The following PPP1R12B variants were observed in gnomAD, a reference collection of about 807,000 sequenced individuals.
The protein encoded by PPP1R12B is myosin phosphatase target subunit 2.
PPP1R12B carries 76 observed loss-of-function variants against 126.1 expected under a neutral mutation model. The observed-to-expected ratio is 0.60, with a 90% confidence interval of 0.50 to 0.73. PPP1R12B has a LOEUF of 0.73. Among genes scored for constraint, PPP1R12B ranks in the 30% least tolerant of loss-of-function variants. The probability of loss-of-function intolerance (pLI) is 0.00; values close to 1 mark genes in which losing one functional copy is unlikely to be tolerated. For synonymous variants in PPP1R12B, 356 were observed against 434.7 expected (o/e 0.82, Z 2.25); for missense variants, 1,052 against 1,205.1 (o/e 0.87, Z 1.88).
At chr1:202,559,871 C>T (rs546586799) in intron 19 of PPP1R12B, among the ~76,000 whole-genome samples, 2 of 152,204 alleles carry the variant, frequency 1.3e-5, no homozygotes, top group African/African-American at 4.8e-5. Context: ...TGAACTCTCT[C>T]GTATTATAAT....
At chr1:202,440,845 G>A (rs1671511230) in intron 11 of PPP1R12B, 57 bp downstream of exon 11, 1 of 1,400,112 alleles carries the variant, frequency 7.1e-7, no homozygotes, top group East Asian at 2.3e-5. Flanking sequence ...ACTGGACATA[G>A]TCATCTCCTG....
chr1:202,515,492 G>A (rs1558321816), intron 18 of PPP1R12B, among the ~76,000 whole-genome samples: 1 of 152,186 alleles, frequency 6.6e-6, no homozygotes, highest in Non-Finnish European at 1.5e-5. Context: ...TCAGATCCCT[G>A]CTGCCTTCTT....
At chr1:202,521,151 C>G (rs1682744246) in intron 18 of PPP1R12B, among the ~76,000 whole-genome samples, 1 of 152,114 alleles carries the variant, frequency 6.6e-6, no homozygotes, top group Admixed American at 6.5e-5. Flanking sequence ...TACTTTTGGG[C>G]TAAAAATTCA....
At chr1:202,541,229 G>GT (rs3834065) in intron 18 of PPP1R12B, among the ~76,000 whole-genome samples, 93,067 of 150,692 alleles carry the variant, frequency 0.62, 29,176 homozygotes, top group East Asian at 0.77. Flanking sequence ...ACTAGTGTGG[G>GT]TTTTTTTTTC....
At chr1:202,470,362 A>G (rs1675683311) in intron 13 of PPP1R12B, among the ~76,000 whole-genome samples, 1 of 152,212 alleles carries the variant, frequency 6.6e-6, no homozygotes, top group Non-Finnish European at 1.5e-5. Context: ...TGAAATACAA[A>G]TACATCTCTT....
chr1:202,446,992 A>C (rs1672377403), intron 12 of PPP1R12B, among the ~76,000 whole-genome samples: 1 of 152,220 alleles, frequency 6.6e-6, no homozygotes, highest in African/African-American at 2.4e-5. Flanking sequence ...AAGGAAGCAG[A>C]CAAAGAAAAA....
At chr1:202,557,945 T>G (rs1361395647) in intron 18 of PPP1R12B, among the ~76,000 whole-genome samples, 1 of 152,174 alleles carries the variant, frequency 6.6e-6, no homozygotes, top group Non-Finnish European at 1.5e-5. Flanking sequence ...CAGGGACTGT[T>G]TAATGCAAAG....
intron 13 of PPP1R12B, among the ~76,000 whole-genome samples, chr1:202,464,529 A>C (rs1343566556): frequency 1.3e-5 from 2 of 152,226 alleles, no homozygotes; most frequent in Non-Finnish European, 1.5e-5. Context: ...CCCTTTGTGC[A>C]CTTTCACCCT....
chr1:202,548,806 CTCTA>C (rs1264322578), intron 18 of PPP1R12B, among the ~76,000 whole-genome samples: 1,195 of 76,266 alleles, frequency 0.016, 10 homozygotes, highest in African/African-American at 0.031. Flanking sequence ...CTCTCTCTCT[CTCTA>C]TATATATATA....
intron 13 of PPP1R12B, among the ~76,000 whole-genome samples, chr1:202,475,747 TAA>T (rs575454477): frequency 1.0e-3 from 152 of 152,296 alleles, no homozygotes; most frequent in African/African-American, 3.4e-3. Context: ...CTTGAATTCA[TAA>T]AGTCTGTAGG....
intron 10 of PPP1R12B, among the ~76,000 whole-genome samples, 159 bp from the exon 11 acceptor site, chr1:202,440,547 T>C (rs2148691547): frequency 6.6e-6 from 1 of 152,368 alleles, no homozygotes; most frequent in Middle Eastern, 3.4e-3. Flanking sequence ...AATAAGCTTT[T>C]GAAAGCTAAC....
chr1:202,557,806 C>T (rs1164857707), intron 18 of PPP1R12B, among the ~76,000 whole-genome samples: 1 of 152,168 alleles, frequency 6.6e-6, no homozygotes, highest in Admixed American at 6.5e-5. Flanking sequence ...GAAATGTCAT[C>T]GTTTATCAAG....
intron 18 of PPP1R12B, among the ~76,000 whole-genome samples, chr1:202,509,452 C>T (rs1681186743): frequency 6.6e-6 from 1 of 152,176 alleles, no homozygotes; most frequent in African/African-American, 2.4e-5. Context: ...TAGCGTGTCC[C>T]TATCTGTTTT....
chr1:202,410,739 G>A (rs1421958037), intron 1 of PPP1R12B, among the ~76,000 whole-genome samples: 1 of 152,178 alleles, frequency 6.6e-6, no homozygotes. Context: ...GTGACATGCT[G>A]ATGTTGGGAA....
At chr1:202,545,719 T>G (rs1431517322) in intron 18 of PPP1R12B, among the ~76,000 whole-genome samples, 1 of 152,176 alleles carries the variant, frequency 6.6e-6, no homozygotes, top group Non-Finnish European at 1.5e-5. Flanking sequence ...TCAGGGTGTT[T>G]TAGATCAGCC....
chr1:202,386,487 G>A (rs1277237084), intron 1 of PPP1R12B, among the ~76,000 whole-genome samples: 1 of 152,018 alleles, frequency 6.6e-6, no homozygotes, highest in African/African-American at 2.4e-5. Flanking sequence ...GCCCGCCACT[G>A]TGCCCAGCTA....
At chr1:202,522,172 G>A (rs531350644) in intron 18 of PPP1R12B, among the ~76,000 whole-genome samples, 10 of 152,080 alleles carry the variant, frequency 6.6e-5, no homozygotes, top group Non-Finnish European at 1.3e-4. Flanking sequence ...CAAACTCTTG[G>A]TGATAAAAGA....
At chr1:202,416,992 T>C in intron 2 of PPP1R12B, 75 bp downstream of exon 2, 4 of 1,450,538 alleles carry the variant, frequency 2.8e-6, no homozygotes, top group Non-Finnish European at 3.7e-6. Flanking sequence ...TTCTTAGGAA[T>C]TTGAATTTTA....
intron 1 of PPP1R12B, among the ~76,000 whole-genome samples, chr1:202,408,273 C>T (rs1666892945): frequency 6.9e-6 from 1 of 145,640 alleles, no homozygotes; most frequent in Non-Finnish European, 1.5e-5. Context: ...CAGTCCTCAG[C>T]CAGAATACCT....
Sources: gnomAD v4.1 joint callset for allele counts (sites outside exome capture counted in the v4.1 genomes callset) on GRCh38, gnomAD v4.1.1 for gene constraint, MANE v1.5 for transcripts, NCBI Gene and HGNC (gene_info 2026-07-23, HGNC 2026-07-21) for gene names.